Variants in SLC35F3 observed in about 807,000 individuals in gnomAD.
SLC35F3 encodes solute carrier family 35 member F3, also known as putative thiamine transporter SLC35F3.
SLC35F3 carries 25 observed loss-of-function variants against 49.9 expected under a neutral mutation model. That is an observed-to-expected ratio of 0.50 (90% CI 0.37 to 0.70). SLC35F3 has a LOEUF of 0.70. Among genes scored for constraint, SLC35F3 ranks in the 30% least tolerant of loss-of-function variants. The probability of loss-of-function intolerance (pLI) is 0.00; values close to 1 mark genes in which losing one functional copy is unlikely to be tolerated. For missense variants in SLC35F3, 525 were observed against 639.8 expected (o/e 0.82, Z 1.94); for synonymous variants, 275 against 265.4 (o/e 1.04, Z -0.35).
At chr1:234,232,309 T>C (rs1010285291) in intron 3 of SLC35F3, among the ~76,000 whole-genome samples, 1 of 151,848 alleles carries the variant, frequency 6.6e-6, no homozygotes, top group East Asian at 1.9e-4. Context: ...ATGGAGTCCA[T>C]TGGAATGACG....
At chr1:234,322,025 A>G (rs962275468) in intron 7 of SLC35F3, among the ~76,000 whole-genome samples, 1 of 121,240 alleles carries the variant, frequency 8.2e-6, no homozygotes, top group Non-Finnish European at 1.8e-5. Flanking sequence ...TACAAAAATA[A>G]TAATAATAAT....
intron 3 of SLC35F3, among the ~76,000 whole-genome samples, chr1:234,265,677 C>T (rs931215333): frequency 1.3e-5 from 2 of 152,188 alleles, no homozygotes; most frequent in Admixed American, 1.3e-4. Context: ...TTCCTTACCT[C>T]CCTGCAGTCT....
intron 2 of SLC35F3, among the ~76,000 whole-genome samples, chr1:233,947,213 C>G (rs1662526446): frequency 6.6e-6 from 1 of 152,130 alleles, no homozygotes; most frequent in African/African-American, 2.4e-5. Flanking sequence ...CTTCTGTGGG[C>G]TCAAGGCTAC....
At chr1:234,175,837 G>A (rs1439671692) in intron 2 of SLC35F3, among the ~76,000 whole-genome samples, 1 of 152,290 alleles carries the variant, frequency 6.6e-6, no homozygotes, top group East Asian at 1.9e-4. Flanking sequence ...TGGGTTCCCA[G>A]TAGGATGGCC....
rs963298326 is a variant in SLC35F3 at position 233,941,973 on chromosome 1, T to G, written c.283+36215T>G. On this transcript the variant is annotated intron_variant, in intron 2 of 7. Transcript: ENST00000366618. ...TTTTTTGTTTTTTTGTTTTTTTTTT[T>G]TTTTTTTAGATGGAGTCTCACTCTG... Among the ~76,000 whole-genome samples, 59 of 149,976 alleles carry G rather than the reference T, an allele frequency of 3.9e-4. No individual in the cohort carries two copies. The South Asian group carries it at 9.2e-3, about 23-fold the overall frequency.
At chr1:234,235,231 C>A (rs753239480) in intron 3 of SLC35F3, among the ~76,000 whole-genome samples, 1 of 152,236 alleles carries the variant, frequency 6.6e-6, no homozygotes, top group Non-Finnish European at 1.5e-5. Flanking sequence ...TCCAGGAGTA[C>A]AATGAGCTGC....
intron 2 of SLC35F3, among the ~76,000 whole-genome samples, chr1:234,207,299 C>G (rs1666984806): frequency 5.0e-5 from 5 of 99,726 alleles, no homozygotes; most frequent in Admixed American, 4.1e-4. Flanking sequence ...AGCAAAGGAA[C>G]ATCTGGAATA....
At chr1:233,971,269 C>T (rs994752932) in intron 2 of SLC35F3, among the ~76,000 whole-genome samples, 4 of 152,230 alleles carry the variant, frequency 2.6e-5, no homozygotes, top group African/African-American at 9.6e-5. Context: ...ACAGTTCCCT[C>T]CGACTAAAAC....
intron 2 of SLC35F3, among the ~76,000 whole-genome samples, chr1:234,108,750 AAG>A (rs1665347886): frequency 4.5e-5 from 5 of 110,232 alleles, no homozygotes; most frequent in East Asian, 2.5e-4. Context: ...TTATATATAA[AAG>A]ATATATATAA....
chr1:234,301,380 G>C (rs1668689542), intron 3 of SLC35F3, among the ~76,000 whole-genome samples: 1 of 152,074 alleles, frequency 6.6e-6, no homozygotes, highest in Non-Finnish European at 1.5e-5. Flanking sequence ...GTGGGCAAAG[G>C]ATATGAACAG....
chr1:234,015,562 G>C (rs376319204), intron 2 of SLC35F3, among the ~76,000 whole-genome samples: 1 of 152,132 alleles, frequency 6.6e-6, no homozygotes, highest in Non-Finnish European at 1.5e-5. Flanking sequence ...ATGGGGGAAA[G>C]GTCAGTCTCT....
rs559205614 is a variant in SLC35F3 at position 234,035,391 on chromosome 1, A to T, written c.283+129633A>T. Among the ~76,000 whole-genome samples the T allele has an allele frequency of 1.6e-4, 24 of 149,350 alleles. 1 individual carries two copies. The South Asian group carries it at 5.0e-3, about 31-fold the overall frequency. Reference sequence around the variant, plus strand: ...ATTCCTGACCTTTGAATATACCTTTAAAAAAAAAATCTTCCCTGGAAGCAA... The same window carrying T: ...ATTCCTGACCTTTGAATATACCTTTTAAAAAAAAATCTTCCCTGGAAGCAA... On this transcript the variant is annotated intron_variant, in intron 2 of 7. Coordinates refer to ENST00000366618, the MANE Select transcript of SLC35F3 (RefSeq NM_173508.4).
intron 2 of SLC35F3, among the ~76,000 whole-genome samples, chr1:234,138,660 A>T (rs1218522397): frequency 6.6e-6 from 1 of 152,074 alleles, no homozygotes; most frequent in Non-Finnish European, 1.5e-5. Flanking sequence ...TGATCCTCCC[A>T]CCTCAGCCTT....
intron 5 of SLC35F3, among the ~76,000 whole-genome samples, chr1:234,317,366 C>T (rs1041252430): frequency 6.6e-6 from 1 of 151,210 alleles, no homozygotes; most frequent in Non-Finnish European, 1.5e-5. Flanking sequence ...TTTATCAAGC[C>T]CCCTGGCTGC....
At chr1:233,987,225 G>A (rs1020388628) in intron 2 of SLC35F3, among the ~76,000 whole-genome samples, 3 of 152,276 alleles carry the variant, frequency 2.0e-5, no homozygotes, top group Admixed American at 2.0e-4. Context: ...GGAGACAGAG[G>A]TTGCAATGAG....
At chr1:234,094,691 A>G (rs1001634210) in intron 2 of SLC35F3, among the ~76,000 whole-genome samples, 1 of 152,194 alleles carries the variant, frequency 6.6e-6, no homozygotes, top group Non-Finnish European at 1.5e-5. Context: ...TCTGAAGTAT[A>G]TGGCATTATA....
At chr1:233,941,992 C>T (rs1424800925) in intron 2 of SLC35F3, among the ~76,000 whole-genome samples, 1 of 139,976 alleles carries the variant, frequency 7.1e-6, no homozygotes, top group Non-Finnish European at 1.5e-5. Flanking sequence ...GATGGAGTCT[C>T]ACTCTGTCTC....
rs780284145 is a variant in SLC35F3, at chr1:234,318,792, A to G, written c.996A>G (p.Glu332=). The change falls in exon 6 of 8, where the codon GAA becomes GAG. Residue 332 remains glutamate, a synonymous_variant. Transcript: ENST00000366618. ...KLLLGSAKFG[E]AALFLSILGV... ...TCCTGGGCAGTGCTAAGTTTGGAGA[A>G]GCCGCCTTATTTTTGTCCATCTTGG... The G allele has an allele frequency of 1.2e-6, 2 of 1,614,170 alleles. No individual in the cohort carries two copies. Among genetic ancestry groups the G allele is most frequent in the East Asian group, 4.5e-5 (2 of 44,886 alleles).
Position 234,112,566 on chromosome 1 carries a change from T to C in SLC35F3, c.284-118851T>C, listed in dbSNP as rs1246307908. Among the ~76,000 whole-genome samples the C allele has an allele frequency of 4.1e-3, 596 of 146,020 alleles. 8 individuals are homozygous for C. The highest frequency in any genetic ancestry group is 0.014 in the African/African-American group (561 of 40,350). On this transcript the variant is annotated intron_variant, in intron 2 of 7. Coordinates refer to ENST00000366618, the MANE Select transcript of SLC35F3 (RefSeq NM_173508.4). ...TTTATAATTCACACTCTTTTTTTTT[T>C]TTTTTTTGAGACAGAGTCTCACTCT...
Sources: gnomAD v4.1 joint callset for allele counts (sites outside exome capture counted in the v4.1 genomes callset) on GRCh38, gnomAD v4.1.1 for gene constraint, MANE v1.5 for transcripts, NCBI Gene and HGNC (gene_info 2026-07-23, HGNC 2026-07-21) for gene names.